Variants in EFEMP1 observed in about 807,000 individuals in gnomAD.
EFEMP1 encodes the protein EGF-like fibulin extracellular matrix protein 1, also known as EGF-containing fibulin-like extracellular matrix protein 1.
A neutral mutation model predicts 65.7 loss-of-function variants in EFEMP1; 18 were observed. The observed-to-expected ratio is 0.27, with a 90% CI of 0.19 to 0.41. The LOEUF is 0.41. EFEMP1 is among the 10% of genes least tolerant of loss of function. EFEMP1 has a pLI of 1.00. For missense variants in EFEMP1, 469 were observed against 624.8 expected (o/e 0.75, Z 2.66); for synonymous variants, 237 against 219.7 (o/e 1.08, Z -0.70).
At chr2:55,868,379 C>T (rs375290452) in intron 11 of EFEMP1, among the ~76,000 whole-genome samples, 3 of 152,052 alleles carry the variant, frequency 2.0e-5, no homozygotes, top group East Asian at 1.9e-4. Context: ...TGACACAGTT[C>T]AGTGAATACT....
chr2:55,891,806 C>T (rs1164894771), intron 5 of EFEMP1, among the ~76,000 whole-genome samples: 6 of 152,038 alleles, frequency 3.9e-5, no homozygotes, highest in African/African-American at 9.7e-5. Context: ...AAGATTATTC[C>T]GTGATCAAAA....
rs1668920299 is a variant in EFEMP1 at position 55,873,901 on chromosome 2, G to C, written c.1000+1045C>G. Among the ~76,000 whole-genome samples the C allele has an allele frequency of 6.6e-6, 1 of 151,792 alleles. No individual in the cohort carries two copies. The highest frequency in any genetic ancestry group is 6.6e-5 in the Admixed American group (1 of 15,198). On this transcript the variant is annotated intron_variant, in intron 9 of 11. Coordinates refer to ENST00000355426, the MANE Select transcript of EFEMP1 (RefSeq NM_001039348.3). The surrounding 1 kb of genome is among the most constrained non-coding windows in gnomAD (Gnocchi z 4.6). ...TTAACAGGATCTTTATTGTCCTTGT[G>C]TGCCTTCACTCCAACTCTGATTAAA...
intron 6 of EFEMP1, among the ~76,000 whole-genome samples, chr2:55,880,868 C>A (rs1490598715): frequency 1.3e-5 from 2 of 152,178 alleles, no homozygotes; most frequent in African/African-American, 4.8e-5. Flanking sequence ...ACATGGTGGG[C>A]ACACTTCAGG....
At position 55,871,195 on chromosome 2, in the gene EFEMP1, C is replaced by A; in HGVS notation, c.1001-72G>T. 1 of 1,603,530 alleles carries A rather than the reference C, an allele frequency of 6.2e-7. No homozygotes were observed. Among genetic ancestry groups the A allele is most frequent in the East Asian group, 2.2e-5 (1 of 44,794 alleles). On this transcript the variant is annotated intron_variant, in intron 9 of 11. Coordinates refer to ENST00000355426, the MANE Select transcript of EFEMP1 (RefSeq NM_001039348.3). This position sits in a 1 kb window ranked among gnomAD's most constrained non-coding sequence, Gnocchi z 4.2. Reference sequence around the variant, plus strand: ...TGATCTAATTAAATCATATAACTGGCAGATTCTGTTTGCAAGGAAGGAGGT... The same window carrying A: ...TGATCTAATTAAATCATATAACTGGAAGATTCTGTTTGCAAGGAAGGAGGT...
At position 55,922,585 on chromosome 2, in the gene EFEMP1, CT is replaced by C; in HGVS notation, c.-7-139del. 2.6e-6 allele frequency: 2 copies of C among 780,304 alleles called. No individual in the cohort carries two copies. Among genetic ancestry groups the C allele is most frequent in the Non-Finnish European group, 4.3e-6 (2 of 462,930 alleles). 48.3% of individuals were successfully genotyped at this position (780,304 alleles called of 1,614,324 possible). On this transcript the variant is annotated intron_variant, in intron 2 of 11. Transcript: ENST00000355426. The surrounding 1 kb of genome is among the most constrained non-coding windows in gnomAD (Gnocchi z 5.5). ...CCATACTCAACTTCCAATCTGCTTT[CT>C]CATCTCCCCTCCCCCTCCTGAACCT...
In EFEMP1 at chr2:55,922,442, G is replaced by A; in HGVS notation, c.-2C>T. 1 of 1,613,400 alleles carries A rather than the reference G, an allele frequency of 6.2e-7. No homozygotes were observed. Among genetic ancestry groups the A allele is most frequent in the Non-Finnish European group, 8.5e-7 (1 of 1,179,484 alleles). The stretch of plus-strand genomic sequence containing the variant: ...AGTTAGGAAAAGGGCTTTCAACATT[G>A]TGAATCTCAAAGAAAATACAGGACA... On this transcript the variant is annotated 5_prime_UTR_variant, in exon 3 of 12. Coordinates refer to ENST00000355426, the MANE Select transcript of EFEMP1 (RefSeq NM_001039348.3). The surrounding 1 kb of genome is among the most constrained non-coding windows in gnomAD (Gnocchi z 5.5).
chr2:55,866,955 G>T lies in EFEMP1; in HGVS notation c.*118C>A. 1 of 1,288,042 alleles carries T rather than the reference G, an allele frequency of 7.8e-7. No homozygotes were observed. The highest frequency in any genetic ancestry group is 1.1e-6 in the Non-Finnish European group (1 of 903,908). 79.8% of individuals were successfully genotyped at this position (1,288,042 alleles called of 1,614,324 possible). ...CCATGGTGTAATTGTTTGAATTATG[G>T]GTGAGTGTACAGTATAGAGATGTAG... On this transcript the variant is annotated 3_prime_UTR_variant, in exon 12 of 12. Transcript: ENST00000355426.
At chr2:55,890,329 TA>T (rs1216223898) in intron 5 of EFEMP1, among the ~76,000 whole-genome samples, 3 of 151,608 alleles carry the variant, frequency 2.0e-5, no homozygotes, top group African/African-American at 4.8e-5. Flanking sequence ...TATAGACAAA[TA>T]AAAAAATGAA....
At chr2:55,904,985 C>CTTTT (rs1168768201) in intron 5 of EFEMP1, among the ~76,000 whole-genome samples, 1 of 23,190 alleles carries the variant, frequency 4.3e-5, no homozygotes, top group African/African-American at 3.4e-4. Context: ...TTTTCTTTTT[C>CTTTT]TTTTTTTTTT....
chr2:55,910,542 G>A (rs1273972423), intron 5 of EFEMP1, among the ~76,000 whole-genome samples: 1 of 152,102 alleles, frequency 6.6e-6, no homozygotes, highest in African/African-American at 2.4e-5. Context: ...TTGATTTCAG[G>A]GAATATAGCT....
rs1246861100 is a variant in EFEMP1, at chr2:55,873,770, A to G, written c.1000+1176T>C. ...AGTCTAGTCGAAAAATTGTGTGCCT[A>G]TTATAAAATCCCAGGTAATGGATTT... On this transcript the variant is annotated intron_variant, in intron 9 of 11. Coordinates refer to ENST00000355426, the MANE Select transcript of EFEMP1 (RefSeq NM_001039348.3). The surrounding 1 kb of genome is among the most constrained non-coding windows in gnomAD (Gnocchi z 4.6). 6.6e-6 allele frequency among the ~76,000 whole-genome samples: 1 copy of G among 151,996 alleles called. No individual in the cohort carries two copies. Among genetic ancestry groups the G allele is most frequent in the Non-Finnish European group, 1.5e-5 (1 of 67,924 alleles).
At chr2:55,872,069 TAAC>T (rs201330469) in intron 9 of EFEMP1, among the ~76,000 whole-genome samples, 4,364 of 151,836 alleles carry the variant, frequency 0.029, 121 homozygotes, top group South Asian at 0.14. Context: ...ATTACATTTA[TAAC>T]AACAACAACA....
Position 55,886,119 on chromosome 2 carries a change from T to A in EFEMP1, c.518-4385A>T, listed in dbSNP as rs1310338619. Among the ~76,000 whole-genome samples the A allele has an allele frequency of 6.6e-6, 1 of 152,196 alleles. No homozygotes were observed. The highest frequency in any genetic ancestry group is 6.5e-5 in the Admixed American group (1 of 15,276). ...TTTTGAATAAGCCACTGTAGACTAG[T>A]GATGAGAATGCACTAGTAATAGGAC... On this transcript the variant is annotated intron_variant, in intron 5 of 11. Coordinates refer to ENST00000355426, the MANE Select transcript of EFEMP1 (RefSeq NM_001039348.3). The surrounding 1 kb of genome is among the most constrained non-coding windows in gnomAD (Gnocchi z 4.0).
intron 5 of EFEMP1, among the ~76,000 whole-genome samples, chr2:55,908,820 C>T (rs1168621493): frequency 1.3e-5 from 2 of 152,042 alleles, no homozygotes; most frequent in African/African-American, 2.4e-5. Context: ...CATTATTCAC[C>T]ATGAGATTTC....
chr2:55,885,082 T>C lies in EFEMP1; in HGVS notation c.518-3348A>G, dbSNP rs1669377334. On this transcript the variant is annotated intron_variant, in intron 5 of 11. Coordinates refer to ENST00000355426, the MANE Select transcript of EFEMP1 (RefSeq NM_001039348.3). The surrounding 1 kb of genome is among the most constrained non-coding windows in gnomAD (Gnocchi z 4.3). ...AAACACAGCAAAATCAGTAAGATGT[T>C]AGTAAAAGAAAAATGATGTTGAGCA... 6.6e-6 allele frequency among the ~76,000 whole-genome samples: 1 copy of C among 152,084 alleles called. No homozygotes were observed. Among genetic ancestry groups the C allele is most frequent in the South Asian group, 2.1e-4 (1 of 4,828 alleles).
intron 6 of EFEMP1, among the ~76,000 whole-genome samples, chr2:55,878,341 T>C (rs1394495480): frequency 3.3e-5 from 5 of 152,182 alleles, no homozygotes; most frequent in Non-Finnish European, 7.4e-5. Context: ...AGGCTTGCCA[T>C]GTGTATCTTA....
Position 55,923,765 on chromosome 2 carries a change from G to C in EFEMP1, c.-103C>G. The C allele has an allele frequency of 1.0e-5, 10 of 986,172 alleles. No individual in the cohort carries two copies. Among genetic ancestry groups the C allele is most frequent in the Non-Finnish European group, 1.2e-5 (10 of 830,546 alleles). The allele number at this position is 986,172 out of a possible 1,614,324, so 61.1% of individuals were successfully genotyped here. ...GGCAGCGAGGGGAGTGCGCAGGGGA[G>C]GGCAGCCCCGTGGGTCTGATCTGGC... On this transcript the variant is annotated 5_prime_UTR_variant, in exon 1 of 12. Coordinates refer to ENST00000355426, the MANE Select transcript of EFEMP1 (RefSeq NM_001039348.3). This position sits in a 1 kb window ranked among gnomAD's most constrained non-coding sequence, Gnocchi z 5.3.
In EFEMP1 at chr2:55,918,056, G is replaced by T; in HGVS notation, c.131-5C>A. ...CAATGTCACATTCATCAATATCTGT[G>T]GTCAGTAATAAAATAAGTCAGGAAT... is the stretch of plus-strand genomic sequence containing the variant. On this transcript the variant is annotated splice_polypyrimidine_tract_variant and splice_region_variant and intron_variant, in intron 4 of 11. Coordinates refer to ENST00000355426, the MANE Select transcript of EFEMP1 (RefSeq NM_001039348.3). The T allele has an allele frequency of 6.2e-7, 1 of 1,614,062 alleles. No homozygotes were observed.
intron 5 of EFEMP1, among the ~76,000 whole-genome samples, chr2:55,896,797 G>T (rs1669844230): frequency 6.6e-6 from 1 of 152,094 alleles, no homozygotes; most frequent in African/African-American, 2.4e-5. Context: ...ACTGATACAG[G>T]GCATCTTTCA....
Sources: gnomAD v4.1 joint callset for allele counts (sites outside exome capture counted in the v4.1 genomes callset) on GRCh38, gnomAD v4.1.1 for gene constraint, Gnocchi (gnomAD v3.1) non-coding constraint, MANE v1.5 for transcripts, NCBI Gene and HGNC (gene_info 2026-07-23, HGNC 2026-07-21) for gene names.